Variants in KAZN observed in about 807,000 individuals in gnomAD.
KAZN encodes kazrin, periplakin interacting protein.
In KAZN, 40 loss-of-function variants were observed where a neutral mutation model predicts 87.4. That is an observed-to-expected ratio of 0.46 (90% CI 0.36 to 0.60). The LOEUF (loss-of-function observed/expected upper bound fraction) is 0.60. Ranked by LOEUF, KAZN falls within the 20% of genes least tolerant of loss-of-function variation. KAZN has a pLI of 0.00. For synonymous variants in KAZN, 466 were observed against 458.3 expected, an observed-to-expected ratio of 1.02 and a Z score of -0.22; for missense variants, 898 against 1,073.9, an observed-to-expected ratio of 0.84 and a Z score of 2.29.
intron 1 of KAZN, among the ~76,000 whole-genome samples, chr1:14,743,642 C>A (rs1478879297): frequency 1.3e-5 from 2 of 152,126 alleles, no homozygotes; most frequent in South Asian, 2.1e-4. Flanking sequence ...TGGCCAGAAT[C>A]TCTCCCTCTC....
intron 1 of KAZN, among the ~76,000 whole-genome samples, chr1:14,702,422 G>A (rs552436992): frequency 5.7e-4 from 86 of 150,838 alleles, no homozygotes; most frequent in African/African-American, 2.0e-3. Context: ...GAGGTTTTAT[G>A]GCTTTAGCAA....
intron 2 of KAZN, chr1:14,350,996 G>C (rs1397733101): frequency 6.6e-6 from 1 of 152,260 alleles, no homozygotes; most frequent in African/African-American, 2.4e-5. Context: ...GCTTTGGGTG[G>C]TCTGGTGTGA....
intron 2 of KAZN, among the ~76,000 whole-genome samples, chr1:14,354,667 CA>C (rs1658849938): frequency 6.6e-6 from 1 of 151,644 alleles, no homozygotes; most frequent in Non-Finnish European, 1.5e-5. Flanking sequence ...CACACACACA[CA>C]CACACACACA....
chr1:14,951,898 C>A (rs1021028212), intron 1 of KAZN, among the ~76,000 whole-genome samples: 1 of 152,158 alleles, frequency 6.6e-6, no homozygotes, highest in Non-Finnish European at 1.5e-5. Context: ...TCAATAATAG[C>A]AAGAGTGGTG....
intron 11 of KAZN, among the ~76,000 whole-genome samples, chr1:15,103,133 G>A (rs889369526): frequency 2.6e-5 from 4 of 152,232 alleles, no homozygotes; most frequent in Non-Finnish European, 4.4e-5. Context: ...CCGGTGTGGT[G>A]GCAGGTGCCT....
chr1:14,368,432 C>T (rs1660192080), intron 2 of KAZN, among the ~76,000 whole-genome samples: 1 of 152,210 alleles, frequency 6.6e-6, no homozygotes, highest in South Asian at 2.1e-4. Context: ...ATCCATTAGG[C>T]ACTCCCATGA....
intron 2 of KAZN, among the ~76,000 whole-genome samples, chr1:14,360,865 G>T (rs953427215): frequency 6.6e-6 from 1 of 152,196 alleles, no homozygotes; most frequent in African/African-American, 2.4e-5. Context: ...CCTGTACGAG[G>T]TGCCTGTCAA....
intron 1 of KAZN, among the ~76,000 whole-genome samples, chr1:13,896,137 G>A (rs1639034594): frequency 6.6e-6 from 1 of 151,658 alleles, no homozygotes; most frequent in Non-Finnish European, 1.5e-5. Context: ...CTGGTCTAGG[G>A]CAGGGGTTGA....
intron 1 of KAZN, among the ~76,000 whole-genome samples, chr1:14,922,971 C>T (rs2101507371): frequency 6.6e-6 from 1 of 152,208 alleles, no homozygotes; most frequent in Non-Finnish European, 1.5e-5. Flanking sequence ...GGCTTCTGAC[C>T]CATGGGCAGG....
intron 1 of KAZN, among the ~76,000 whole-genome samples, chr1:13,981,089 T>TCTCTATATATATATATATATATA (rs1553181094): frequency 1.6e-5 from 1 of 63,134 alleles, no homozygotes; most frequent in East Asian, 2.8e-4. Flanking sequence ...AAATTACTCT[T>TCTCTATATATATATATATATATA]TATATATATA....
At chr1:15,072,737 G>A (rs1639568798) in intron 8 of KAZN, among the ~76,000 whole-genome samples, 1 of 152,220 alleles carries the variant, frequency 6.6e-6, no homozygotes, top group Non-Finnish European at 1.5e-5. Flanking sequence ...CACCTAGGAA[G>A]AGGTGGAACT....
chr1:14,567,135 A>T (rs1223800490), intron 2 of KAZN, among the ~76,000 whole-genome samples: 1 of 152,160 alleles, frequency 6.6e-6, no homozygotes, highest in Non-Finnish European at 1.5e-5. Context: ...AAAGTGAGAG[A>T]TGTTAAACTC....
chr1:14,977,725 C>T (rs927895995), intron 2 of KAZN, among the ~76,000 whole-genome samples: 4 of 152,154 alleles, frequency 2.6e-5, no homozygotes, highest in African/African-American at 9.7e-5. Context: ...CCCTGGGTGG[C>T]GCCCAGGAGA....
At chr1:14,524,531 G>A (rs780379848) in intron 2 of KAZN, among the ~76,000 whole-genome samples, 1 of 152,094 alleles carries the variant, frequency 6.6e-6, no homozygotes, top group African/African-American at 2.4e-5. Flanking sequence ...GGTCTTTGAC[G>A]CTAATTGATT....
intron 2 of KAZN, among the ~76,000 whole-genome samples, chr1:14,532,531 C>T (rs1557781942): frequency 1.3e-5 from 2 of 151,200 alleles, no homozygotes; most frequent in Middle Eastern, 3.4e-3. Context: ...AGGTTTGTTA[C>T]ATATGTATAC....
intron 1 of KAZN, among the ~76,000 whole-genome samples, chr1:14,139,232 CCCA>C (rs757759243): frequency 7.2e-5 from 11 of 152,216 alleles, no homozygotes; most frequent in Non-Finnish European, 1.6e-4. Context: ...TTGCCCATAG[CCCA>C]TTGCTGCAAG....
chr1:14,837,771 T>C (rs1011301991), intron 1 of KAZN, among the ~76,000 whole-genome samples: 3 of 151,854 alleles, frequency 2.0e-5, no homozygotes, highest in African/African-American at 7.3e-5. Flanking sequence ...CCCTGGCTGG[T>C]CTTGAACTCC....
intron 2 of KAZN, among the ~76,000 whole-genome samples, chr1:14,195,856 A>G (rs975711864): frequency 3.3e-5 from 5 of 152,188 alleles, no homozygotes; most frequent in African/African-American, 7.2e-5. Flanking sequence ...TGGAGCTTAA[A>G]GCCTAGGCGG....
intron 2 of KAZN, among the ~76,000 whole-genome samples, chr1:14,577,986 C>G (rs1470121991): frequency 6.6e-6 from 1 of 152,144 alleles, no homozygotes; most frequent in Non-Finnish European, 1.5e-5. Flanking sequence ...CCTACTAGCT[C>G]TGTGTCCTTG....
Sources: gnomAD v4.1 joint callset for allele counts (sites outside exome capture counted in the v4.1 genomes callset) on GRCh38, gnomAD v4.1.1 for gene constraint, MANE v1.5 for transcripts, NCBI Gene and HGNC (gene_info 2026-07-23, HGNC 2026-07-21) for gene names.